RABGAP1L: variants seen among roughly 807,000 people sequenced by gnomAD.
The protein encoded by RABGAP1L is RAB GTPase activating protein 1 like, also known as rab GTPase-activating protein 1-like.
Under a neutral mutation model 137.7 loss-of-function variants are expected in RABGAP1L, and 63 were observed. That is an observed-to-expected ratio of 0.46 (90% confidence interval 0.37 to 0.56). The LOEUF is 0.56. Among genes scored for constraint, RABGAP1L ranks in the 20% least tolerant of loss-of-function variants. RABGAP1L has a pLI of 0.00. For missense variants in RABGAP1L, 1,095 were observed against 1,244.0 expected, an observed-to-expected ratio of 0.88 and a Z score of 1.80; for synonymous variants, 431 against 433.7, an observed-to-expected ratio of 0.99 and a Z score of 0.08.
intron 13 of RABGAP1L, among the ~76,000 whole-genome samples, chr1:174,570,965 A>C (rs1333282511): frequency 2.0e-5 from 3 of 152,230 alleles, no homozygotes; most frequent in Non-Finnish European, 4.4e-5. Context: ...AGATACCTGC[A>C]CTTCCATGTT....
intron 1 of RABGAP1L, among the ~76,000 whole-genome samples, chr1:174,201,096 G>T (rs1045770409): frequency 6.6e-6 from 1 of 151,950 alleles, no homozygotes; most frequent in Admixed American, 6.6e-5. Context: ...GTAGTTTATA[G>T]AAACTATTTT....
chr1:174,682,145 G>A (rs975261494), intron 14 of RABGAP1L, among the ~76,000 whole-genome samples: 1 of 151,998 alleles, frequency 6.6e-6, no homozygotes, highest in Non-Finnish European at 1.5e-5. Flanking sequence ...GCTGGGTGTG[G>A]TGGTGGGCCC....
At chr1:174,644,753 CT>C (rs1674813403) in intron 14 of RABGAP1L, among the ~76,000 whole-genome samples, 1 of 152,074 alleles carries the variant, frequency 6.6e-6, no homozygotes. Flanking sequence ...CTCCTGGTTA[CT>C]AATTGTTATG....
At chr1:174,239,536 C>G (rs780656423) in intron 4 of RABGAP1L, among the ~76,000 whole-genome samples, 1 of 152,116 alleles carries the variant, frequency 6.6e-6, no homozygotes, top group South Asian at 2.1e-4. Flanking sequence ...TTGGTTATAT[C>G]ATGTAACTCT....
chr1:174,800,607 C>A, intron 18 of RABGAP1L: 1 of 1,449,144 alleles, frequency 6.9e-7, no homozygotes, highest in Non-Finnish European at 9.2e-7. Context: ...TCTTCTCCTT[C>A]TCCCCATTCT....
intron 17 of RABGAP1L, among the ~76,000 whole-genome samples, chr1:174,703,874 T>C (rs1679856344): frequency 6.6e-6 from 1 of 152,252 alleles, no homozygotes; most frequent in Non-Finnish European, 1.5e-5. Context: ...TGGCCATTTG[T>C]ATATCTTCTT....
rs1306279939 is a variant in RABGAP1L, at chr1:174,958,049, T to C, written c.2433+500T>C. On this transcript the variant is annotated intron_variant, in intron 20 of 25. Coordinates refer to ENST00000681986, the MANE Select transcript of RABGAP1L (RefSeq NM_001366446.1). ...TACTGTTTTAGCTGTGCATGTCATA[T>C]CCACAAAGACTTTTAGCAGGTGAAC... The C allele has an allele frequency of 2.6e-5, 40 of 1,528,818 alleles. No individual in the cohort carries two copies. The Admixed American group carries it at 8.0e-4, about 30-fold the overall frequency. 94.7% of individuals were successfully genotyped at this position (1,528,818 alleles called of 1,614,324 possible). A position where few individuals can be genotyped will look rare whatever the true frequency, so the allele number is the denominator to read the frequency against.
intron 14 of RABGAP1L, among the ~76,000 whole-genome samples, chr1:174,647,344 C>T (rs332802): frequency 0.37 from 56,135 of 151,880 alleles, 13,659 homozygotes; most frequent in African/African-American, 0.69. Flanking sequence ...GGCTGTGGGT[C>T]TGTCATAAAT....
At chr1:174,748,082 G>A (rs528474321) in intron 17 of RABGAP1L, among the ~76,000 whole-genome samples, 8 of 152,160 alleles carry the variant, frequency 5.3e-5, no homozygotes, top group African/African-American at 1.9e-4. Context: ...TTTCCTCTTG[G>A]TGTTTGTGAG....
intron 13 of RABGAP1L, among the ~76,000 whole-genome samples, chr1:174,397,651 A>G (rs1163732230): frequency 1.3e-5 from 2 of 152,130 alleles, no homozygotes; most frequent in Non-Finnish European, 2.9e-5. Context: ...CTTGGCATGT[A>G]TTTTTCTCCT....
At chr1:174,210,287 C>T (rs372467958) in intron 1 of RABGAP1L, among the ~76,000 whole-genome samples, 13 of 151,998 alleles carry the variant, frequency 8.6e-5, no homozygotes, top group Non-Finnish European at 1.5e-4. Context: ...CTGGAGAAAG[C>T]GAGACAGAAA....
intron 19 of RABGAP1L, among the ~76,000 whole-genome samples, chr1:174,824,368 G>A (rs537112886): frequency 9.6e-4 from 146 of 151,934 alleles, no homozygotes; most frequent in African/African-American, 3.0e-3. Flanking sequence ...GGTGACACAC[G>A]CCTATAGTCC....
chr1:174,692,406 A>G (rs942502771), intron 15 of RABGAP1L, among the ~76,000 whole-genome samples: 1 of 152,232 alleles, frequency 6.6e-6, no homozygotes, highest in Non-Finnish European at 1.5e-5. Context: ...AAAGATCAGT[A>G]ATATTTTAAA....
intron 14 of RABGAP1L, among the ~76,000 whole-genome samples, chr1:174,645,994 C>A (rs1246259563): frequency 6.6e-6 from 1 of 152,154 alleles, no homozygotes; most frequent in Non-Finnish European, 1.5e-5. Context: ...TTGTTGGCCA[C>A]ATACATATCT....
At chr1:174,493,457 GT>G (rs146789566) in intron 13 of RABGAP1L, among the ~76,000 whole-genome samples, 5,259 of 151,946 alleles carry the variant, frequency 0.035, 124 homozygotes, top group Middle Eastern at 0.088. Context: ...TATGAATATT[GT>G]TTTTAGGTTG....
At chr1:174,788,617 G>A (rs1687631891) in intron 18 of RABGAP1L, among the ~76,000 whole-genome samples, 4 of 152,142 alleles carry the variant, frequency 2.6e-5, no homozygotes, top group South Asian at 2.1e-4. Context: ...GGTAATCTTC[G>A]TAGCATTCCT....
rs569530980 is a variant in RABGAP1L, at chr1:174,667,690, A to G, written c.1825-15832A>G. 3.9e-5 allele frequency among the ~76,000 whole-genome samples: 6 copies of G among 152,184 alleles called. No homozygotes were observed. In the South Asian group the frequency reaches 6.2e-4, roughly 16 times the overall value. On this transcript the variant is annotated intron_variant, in intron 14 of 25. Coordinates refer to ENST00000681986, the MANE Select transcript of RABGAP1L (RefSeq NM_001366446.1). ...TGCCATCTTCTATGAAATTAAGACAACATCACCTTGTCTGTGATGCCTTCC... is the reference window on the plus strand; with the variant it reads ...TGCCATCTTCTATGAAATTAAGACAGCATCACCTTGTCTGTGATGCCTTCC...
intron 8 of RABGAP1L, among the ~76,000 whole-genome samples, chr1:174,274,606 CTGTGTGTGTGTG>C (rs61468070): frequency 6.8e-6 from 1 of 146,058 alleles, no homozygotes; most frequent in African/African-American, 2.6e-5. Flanking sequence ...ACAGGTGACT[CTGTGTGTGTGTG>C]TGTGTGTGTG....
At chr1:174,644,657 TA>T (rs1674808144) in intron 14 of RABGAP1L, among the ~76,000 whole-genome samples, 2 of 152,130 alleles carry the variant, frequency 1.3e-5, no homozygotes, top group South Asian at 4.1e-4. Context: ...TTCTATACTA[TA>T]TTCAAATGGC....
Sources: gnomAD v4.1 joint callset for allele counts (sites outside exome capture counted in the v4.1 genomes callset) on GRCh38, gnomAD v4.1.1 for gene constraint, MANE v1.5 for transcripts, NCBI Gene and HGNC (gene_info 2026-07-23, HGNC 2026-07-21) for gene names.